UGT1A9: variants seen among roughly 807,000 people sequenced by gnomAD.
The protein encoded by UGT1A9 is UDP-glucuronosyltransferase 1A9.
A neutral mutation model predicts 45.0 loss-of-function variants in UGT1A9; 35 were observed. The ratio of observed to expected loss-of-function variants is 0.78; its 90% CI spans 0.59 to 1.03. The LOEUF (loss-of-function observed/expected upper bound fraction) is 1.03. Ranked by LOEUF, UGT1A9 falls within the 50% of genes least tolerant of loss-of-function variation. UGT1A9 has a pLI of 0.00. For synonymous variants in UGT1A9, 278 were observed against 250.6 expected (o/e 1.11, Z -1.03); for missense variants, 687 against 666.6 (o/e 1.03, Z -0.34).
chr2:233,711,711 G>T (rs2076193469), intron 1 of UGT1A9, among the ~76,000 whole-genome samples: 1 of 152,232 alleles, frequency 6.6e-6, no homozygotes, highest in Admixed American at 6.5e-5. Context: ...CCTAAGGGAA[G>T]CCTCAGCTTC....
At chr2:233,764,324 A>C (rs1432372938) in intron 1 of UGT1A9, among the ~76,000 whole-genome samples, 1 of 152,154 alleles carries the variant, frequency 6.6e-6, no homozygotes, top group Non-Finnish European at 1.5e-5. Context: ...AGCTTTGCCA[A>C]GTAGGGGATG....
At chr2:233,713,916 G>T in intron 1 of UGT1A9, 1 of 1,612,412 alleles carries the variant, frequency 6.2e-7, no homozygotes, top group Non-Finnish European at 8.5e-7. Context: ...TTTAAAAAAT[G>T]TATTTACTTA....
chr2:233,705,123 C>T (rs1488231635), intron 1 of UGT1A9, among the ~76,000 whole-genome samples: 3 of 130,446 alleles, frequency 2.3e-5, no homozygotes, highest in Non-Finnish European at 3.1e-5. Flanking sequence ...GGGACAAGAG[C>T]GAGACTTCGT....
intron 1 of UGT1A9, among the ~76,000 whole-genome samples, chr2:233,730,257 A>C (rs1190299662): frequency 6.6e-6 from 1 of 152,082 alleles, no homozygotes; most frequent in Non-Finnish European, 1.5e-5. Flanking sequence ...ACTCATAGAG[A>C]CTGTTGGTTT....
intron 1 of UGT1A9, chr2:233,682,009 G>T: frequency 6.2e-7 from 1 of 1,614,122 alleles, no homozygotes; most frequent in Admixed American, 1.7e-5. Context: ...GCTTTGCCAA[G>T]GCAGGGAAGC....
chr2:233,728,863 G>A (rs1165888230), intron 1 of UGT1A9, among the ~76,000 whole-genome samples: 1 of 152,190 alleles, frequency 6.6e-6, no homozygotes, highest in Middle Eastern at 3.2e-3. Context: ...AGAAACAAGA[G>A]CTTGAACTTG....
intron 1 of UGT1A9, chr2:233,756,051 T>C (rs1176679443): frequency 6.6e-6 from 1 of 152,238 alleles, no homozygotes; most frequent in Non-Finnish European, 1.5e-5. Context: ...AAAACTCCAC[T>C]GTACACTTGT....
chr2:233,713,168 G>T (rs773495849), intron 1 of UGT1A9: 1 of 1,614,094 alleles, frequency 6.2e-7, no homozygotes, highest in Non-Finnish European at 8.5e-7. Context: ...ACCAGGTGGT[G>T]GTCCTCACCC....
Position 233,695,130 on chromosome 2 carries a change from C to CTTTCTTTTTTTTTTTTTT in UGT1A9, c.855+22344_855+22345insCTTTTTTTTTTTTTTTTT, listed in dbSNP as rs1364557158. Among the ~76,000 whole-genome samples, 15 of 138,840 alleles carry CTTTCTTTTTTTTTTTTTT rather than the reference C, an allele frequency of 1.1e-4. 2 individuals carry two copies. Among genetic ancestry groups the CTTTCTTTTTTTTTTTTTT allele is most frequent in the Admixed American group, 3.5e-4 (5 of 14,108 alleles). 91.1% of individuals were successfully genotyped at this position (138,840 alleles called of 152,430 possible). ...GCCCATTAACCAACCCTTTTCTTTTCTTTTTTTTTTTTTTGAGACAGAGTC... is the reference window on the plus strand; with the variant it reads ...GCCCATTAACCAACCCTTTTCTTTTCTTTCTTTTTTTTTTTTTTTTTTTTTTTTTTTTGAGACAGAGTC... On this transcript the variant is annotated intron_variant, in intron 1 of 4. Transcript: ENST00000354728.
chr2:233,740,214 A>G (rs2018985), intron 1 of UGT1A9, among the ~76,000 whole-genome samples: 70,303 of 151,600 alleles, frequency 0.46, 18,208 homozygotes, highest in African/African-American at 0.69. Flanking sequence ...ACCCAGTCTC[A>G]GCTGCGTCTT....
At chr2:233,764,199 A>T (rs1193982268) in intron 1 of UGT1A9, among the ~76,000 whole-genome samples, 1 of 152,170 alleles carries the variant, frequency 6.6e-6, no homozygotes, top group Non-Finnish European at 1.5e-5. Flanking sequence ...GGGGCATCTC[A>T]TCTTTTCTTT....
intron 1 of UGT1A9, chr2:233,719,474 G>C: frequency 6.2e-7 from 1 of 1,613,940 alleles, no homozygotes. Context: ...TCTACCCTCT[G>C]GCCCTGTCCT....
At chr2:233,713,913 A>G in intron 1 of UGT1A9, 1 of 1,612,556 alleles carries the variant, frequency 6.2e-7, no homozygotes, top group Non-Finnish European at 8.5e-7. Context: ...CTTTTTAAAA[A>G]ATGTATTTAC....
At chr2:233,728,419 C>T (rs1433487219) in intron 1 of UGT1A9, among the ~76,000 whole-genome samples, 2 of 152,142 alleles carry the variant, frequency 1.3e-5, no homozygotes, top group East Asian at 3.9e-4. Flanking sequence ...GATAGCAGCA[C>T]CTCTTCTTCC....
intron 1 of UGT1A9, among the ~76,000 whole-genome samples, chr2:233,725,323 G>A (rs1370271039): frequency 1.0e-5 from 1 of 97,652 alleles, no homozygotes; most frequent in East Asian, 3.5e-4. Flanking sequence ...GAGGCGCCTG[G>A]TCAACAATCT....
At chr2:233,708,956 T>A (rs1167417954) in intron 1 of UGT1A9, among the ~76,000 whole-genome samples, 1 of 152,154 alleles carries the variant, frequency 6.6e-6, no homozygotes, top group East Asian at 1.9e-4. Flanking sequence ...CATTTATATG[T>A]TTCCATTTCT....
chr2:233,760,050 C>T (rs995974685), intron 1 of UGT1A9, among the ~76,000 whole-genome samples: 2 of 152,142 alleles, frequency 1.3e-5, no homozygotes, highest in Admixed American at 6.5e-5. Context: ...TGTGTTCACT[C>T]AAGAATGTGA....
At chr2:233,692,890 A>C in intron 1 of UGT1A9, 1 of 1,522,444 alleles carries the variant, frequency 6.6e-7, no homozygotes, top group South Asian at 1.4e-5. Flanking sequence ...AGAGCAAGGG[A>C]GAGGTAGACA....
chr2:233,703,764 G>T (rs1013118641), intron 1 of UGT1A9, among the ~76,000 whole-genome samples: 4 of 152,032 alleles, frequency 2.6e-5, no homozygotes, highest in Admixed American at 6.6e-5. Context: ...ATCTTCTGCA[G>T]ACAAGATATT....
Sources: gnomAD v4.1 joint callset for allele counts (sites outside exome capture counted in the v4.1 genomes callset) on GRCh38, gnomAD v4.1.1 for gene constraint, MANE v1.5 for transcripts, NCBI Gene and HGNC (gene_info 2026-07-23, HGNC 2026-07-21) for gene names.